Variants in ASAP1 observed in about 807,000 individuals in gnomAD.
ASAP1 encodes the protein arf-GAP with SH3 domain, ANK repeat and PH domain-containing protein 1.
ASAP1 carries 43 observed loss-of-function variants against 145.2 expected under a neutral mutation model. The ratio of observed to expected loss-of-function variants is 0.30; its 90% CI spans 0.23 to 0.38. The LOEUF (loss-of-function observed/expected upper bound fraction) is 0.38. Among genes scored for constraint, ASAP1 ranks in the 10% least tolerant of loss-of-function variants. The probability of loss-of-function intolerance (pLI) is 1.00; values close to 1 mark genes in which losing one functional copy is unlikely to be tolerated. For missense variants in ASAP1, 1,018 were observed against 1,355.3 expected, an observed-to-expected ratio of 0.75 and a Z score of 3.91; for synonymous variants, 546 against 515.5, an observed-to-expected ratio of 1.06 and a Z score of -0.80.
intron 3 of ASAP1, 140 bp from the exon 4 acceptor site, chr8:130,237,134 A>G (rs999641816): frequency 6.5e-6 from 4 of 619,144 alleles, no homozygotes; most frequent in Non-Finnish European, 1.1e-5. Context: ...ACAATGAATC[A>G]TATCAGACTG....
chr8:130,091,983 T>C lies in ASAP1; in HGVS notation c.2562A>G (p.Ala854=). 1.9e-6 allele frequency: 3 copies of C among 1,556,358 alleles called. No homozygotes were observed. Among genetic ancestry groups the C allele is most frequent in the East Asian group, 2.5e-5 (1 of 40,798 alleles). ...PLPHGPPNKG[A]VPWGNDGGPS... is the part of the protein sequence containing the mutation. ...TTTAGGATAACTTACCCCAAGGAAC[T>C]GCGCCTTTGTTTGGGGGCCCATGAG... is the stretch of plus-strand genomic sequence containing the variant. The change falls in exon 25 of 30, where the codon GCA becomes GCG. Residue 854 remains alanine, a synonymous_variant. Transcript: ENST00000518721.
chr8:130,257,796 C>T (rs1223012186), intron 3 of ASAP1, among the ~76,000 whole-genome samples: 4 of 141,300 alleles, frequency 2.8e-5, no homozygotes, highest in Non-Finnish European at 6.2e-5. Context: ...ACCCCCCCCC[C>T]ATTATTTTTT....
intron 3 of ASAP1, among the ~76,000 whole-genome samples, chr8:130,287,952 C>A (rs1478422007): frequency 1.3e-5 from 2 of 152,134 alleles, no homozygotes; most frequent in African/African-American, 4.8e-5. Flanking sequence ...CTATCTCTTC[C>A]CCAGGCTTGT....
chr8:130,153,658 G>GT (rs1294571265), intron 12 of ASAP1, among the ~76,000 whole-genome samples: 2 of 151,926 alleles, frequency 1.3e-5, no homozygotes, highest in Admixed American at 1.3e-4. Flanking sequence ...GTGAGCCACT[G>GT]TGACTGGCCG....
At chr8:130,142,406 T>C (rs2097614116) in intron 13 of ASAP1, among the ~76,000 whole-genome samples, 1 of 152,272 alleles carries the variant, frequency 6.6e-6, no homozygotes, top group Non-Finnish European at 1.5e-5. Flanking sequence ...CTCCTCTAAG[T>C]ACTTACTTTC....
At chr8:130,093,680 A>AAAAAAAAAAAAAAG in intron 24 of ASAP1, among the ~76,000 whole-genome samples, 1 of 150,644 alleles carries the variant, frequency 6.6e-6, no homozygotes, top group Non-Finnish European at 1.5e-5. Flanking sequence ...AAAAAAAAAA[A>AAAAAAAAAAAAAAG]AAAAAAAAAG....
intron 1 of ASAP1, among the ~76,000 whole-genome samples, chr8:130,432,503 T>C (rs1398972718): frequency 6.6e-6 from 1 of 152,170 alleles, no homozygotes; most frequent in African/African-American, 2.4e-5. Flanking sequence ...TGTGAGTTGT[T>C]CATCCCACTG....
chr8:130,215,196 C>T lies in ASAP1; in HGVS notation c.260-495G>A, dbSNP rs533718349. 7.2e-5 allele frequency among the ~76,000 whole-genome samples: 11 copies of T among 152,114 alleles called. No homozygotes were observed. In the South Asian group the frequency reaches 1.0e-3, roughly 14 times the overall value. On this transcript the variant is annotated intron_variant, in intron 4 of 29. Coordinates refer to ENST00000518721, the MANE Select transcript of ASAP1 (RefSeq NM_018482.4). ...ATTACAGGTGTGAGCCACCGCACCT[C>T]GCCTTTCCCTTTTTCTTTCATAGAA... is the stretch of plus-strand genomic sequence containing the variant.
intron 9 of ASAP1, among the ~76,000 whole-genome samples, chr8:130,178,878 A>T (rs1311082772): frequency 6.6e-6 from 1 of 151,348 alleles, no homozygotes; most frequent in Non-Finnish European, 1.5e-5. Context: ...ACAGAGTGAG[A>T]CTCCGTCTCA....
chr8:130,193,516 T>C (rs1022364299), intron 5 of ASAP1, among the ~76,000 whole-genome samples: 1 of 152,130 alleles, frequency 6.6e-6, no homozygotes, highest in Admixed American at 6.5e-5. Context: ...GGAGAGGAGA[T>C]TTTTGCATTT....
At chr8:130,408,725 AG>A (rs1361771825) in intron 1 of ASAP1, among the ~76,000 whole-genome samples, 11 of 152,312 alleles carry the variant, frequency 7.2e-5, no homozygotes, top group Non-Finnish European at 1.3e-4. Flanking sequence ...AAATCCTACA[AG>A]GAACTTTGCA....
At chr8:130,323,043 G>A (rs373392364) in intron 3 of ASAP1, among the ~76,000 whole-genome samples, 4 of 152,316 alleles carry the variant, frequency 2.6e-5, no homozygotes, top group South Asian at 4.1e-4. Context: ...TGAAATTATC[G>A]TGCATCTGCT....
chr8:130,186,380 C>G (rs1399199877), intron 7 of ASAP1, among the ~76,000 whole-genome samples: 2 of 152,200 alleles, frequency 1.3e-5, no homozygotes, highest in Admixed American at 6.5e-5. Flanking sequence ...TTTTATCCTG[C>G]TGCTATTGCT....
intron 18 of ASAP1, 86 bp downstream of exon 18, chr8:130,123,927 C>CAAAAA: frequency 1.2e-6 from 1 of 853,910 alleles, no homozygotes; most frequent in Non-Finnish European, 1.7e-6. Flanking sequence ...TGCACCCAGC[C>CAAAAA]AAAAAAAAAA....
chr8:130,091,973 C>A lies in ASAP1; in HGVS notation c.2572G>T (p.Gly858Cys). 2 of 1,546,264 alleles carry A rather than the reference C, an allele frequency of 1.3e-6. No homozygotes were observed. Among genetic ancestry groups the A allele is most frequent in the Non-Finnish European group, 1.7e-6 (2 of 1,153,130 alleles). Residue 858 changes from glycine to cysteine, a missense_variant and splice_region_variant, in exon 25 of 30, where the codon GGT becomes TGT. Gly to Cys is a radical substitution (Grantham distance 159). Transcript: ENST00000518721. Reference protein sequence around the residue: ...GPPNKGAVPWGNDGGPSSSSK... With the variant: ...GPPNKGAVPWCNDGGPSSSSK... ...TGGCCCTGACTTTAGGATAACTTAC[C>A]CCAAGGAACTGCGCCTTTGTTTGGG...
intron 4 of ASAP1, among the ~76,000 whole-genome samples, chr8:130,221,319 C>T (rs1413165030): frequency 2.0e-5 from 3 of 152,044 alleles, no homozygotes; most frequent in African/African-American, 4.8e-5. Flanking sequence ...AAAGGAAGAA[C>T]ATTTTCTGCC....
In ASAP1 at chr8:130,167,009, T is replaced by C. The variant is rs535670512; in HGVS notation, c.909+527A>G. ...ATGTCCTCAAAACTAGGATTGAAAATCTATAGTCATGGGGCTGGGCACAGT... is the reference window on the plus strand; with the variant it reads ...ATGTCCTCAAAACTAGGATTGAAAACCTATAGTCATGGGGCTGGGCACAGT... On this transcript the variant is annotated intron_variant, in intron 11 of 29. Transcript: ENST00000518721. Among the ~76,000 whole-genome samples, 14 of 152,094 alleles carry C rather than the reference T, an allele frequency of 9.2e-5. 1 individual carries two copies. In the South Asian group the frequency reaches 2.9e-3, roughly 32 times the overall value.
At chr8:130,247,109 G>A (rs143516443) in intron 3 of ASAP1, 1 of 152,116 alleles carries the variant, frequency 6.6e-6, no homozygotes, top group Non-Finnish European at 1.5e-5. Context: ...TGTGACCCTG[G>A]TCAAGTTAGT....
intron 18 of ASAP1, 41 bp from the exon 19 acceptor site, chr8:130,118,716 C>T (rs1440694240): frequency 3.0e-6 from 4 of 1,326,418 alleles, no homozygotes; most frequent in African/African-American, 3.0e-5. Context: ...TTTCCAAGTG[C>T]TAGGAAAGGT....
Sources: allele counts gnomAD v4.1 joint callset (sites outside exome capture counted in the v4.1 genomes callset), GRCh38; gene constraint gnomAD v4.1.1; transcripts MANE v1.5; gene names NCBI Gene and HGNC (gene_info 2026-07-23, HGNC 2026-07-21).